Variants in STIM1 observed in about 807,000 individuals in gnomAD.
The protein encoded by STIM1 is stromal interaction molecule 1.
In STIM1, 25 loss-of-function variants were observed where a neutral mutation model predicts 74.7. The ratio of observed to expected loss-of-function variants is 0.33; its 90% CI spans 0.24 to 0.47. The LOEUF is 0.47. STIM1 is among the 20% of genes least tolerant of loss of function. The pLI is 1.00. For missense variants in STIM1, 728 were observed against 920.8 expected (o/e 0.79, Z 2.71); for synonymous variants, 328 against 348.8 (o/e 0.94, Z 0.66).
intron 1 of STIM1, chr11:3,868,096 C>T (rs964940815): frequency 6.6e-6 from 1 of 152,142 alleles, no homozygotes; most frequent in Non-Finnish European, 1.5e-5. Flanking sequence ...AGGTGTAACA[C>T]ACACACACAG....
At chr11:3,967,956 G>A (rs1707586349) in intron 2 of STIM1, among the ~76,000 whole-genome samples, 1 of 152,194 alleles carries the variant, frequency 6.6e-6, no homozygotes, top group African/African-American at 2.4e-5. Flanking sequence ...TTGTTTGGGA[G>A]GGAGAGAGAT....
At chr11:3,916,371 T>C (rs146853847) in intron 1 of STIM1, among the ~76,000 whole-genome samples, 1 of 151,812 alleles carries the variant, frequency 6.6e-6, no homozygotes, top group Non-Finnish European at 1.5e-5. Context: ...ACTGCCAACC[T>C]CTGCCACCTG....
At chr11:3,981,924 A>G (rs536878593) in intron 2 of STIM1, among the ~76,000 whole-genome samples, 1 of 152,374 alleles carries the variant, frequency 6.6e-6, no homozygotes, top group East Asian at 1.9e-4. Flanking sequence ...AGCAAGAAAG[A>G]TAGTTTCAGG....
intron 1 of STIM1, chr11:3,892,488 C>A: frequency 1.3e-6 from 2 of 1,544,406 alleles, no homozygotes; most frequent in Admixed American, 1.7e-5. Context: ...TTCATGCCTT[C>A]TTTCGCCTTG....
intron 1 of STIM1, among the ~76,000 whole-genome samples, chr11:3,877,749 C>A (rs959087275): frequency 1.3e-5 from 2 of 152,150 alleles, no homozygotes; most frequent in African/African-American, 4.8e-5. Flanking sequence ...GGAGTTGCAG[C>A]AGGTTTGCCT....
At position 3,941,618 on chromosome 11, in the gene STIM1, C is replaced by CAT. The variant is rs1422798798; in HGVS notation, c.140-25922_140-25921dup. Among the ~76,000 whole-genome samples the CAT allele has an allele frequency of 2.0e-3, 176 of 90,056 alleles. 3 individuals carry two copies. The highest frequency in any genetic ancestry group is 4.1e-3 in the Admixed American group (35 of 8,522). 59.1% of individuals were successfully genotyped at this position (90,056 alleles called of 152,430 possible). On this transcript the variant is annotated intron_variant, in intron 1 of 12. Coordinates refer to ENST00000526596, the MANE Select transcript of STIM1 (RefSeq NM_001382567.1). The stretch of plus-strand genomic sequence containing the variant: ...GTGTGTGTGTGTGTGTGTGTGTATA[C>CAT]ATATATATATATAGAGAGATAGTGT...
At chr11:4,066,943 A>T (rs935054071) in intron 5 of STIM1, among the ~76,000 whole-genome samples, 6 of 152,210 alleles carry the variant, frequency 3.9e-5, no homozygotes, top group Admixed American at 6.5e-5. Context: ...AATGATTCAT[A>T]GACTCACTTA....
At position 4,091,705 on chromosome 11, in the gene STIM1, G is replaced by A; in HGVS notation, c.2058G>A (p.Glu686=). ...TGGCTGGCAAGAAGGCTGTGGCTGA[G>A]GAGGATAATGGCTCTATTGGCGAGG... ...PHLAGKKAVA[E]EDNGSIGEET... is the part of the protein sequence containing the mutation. The change falls in exon 13 of 13, where the codon GAG becomes GAA. Residue 686 remains glutamate (E), a synonymous_variant. Coordinates refer to ENST00000526596, the MANE Select transcript of STIM1 (RefSeq NM_001382567.1). 1 of 1,614,124 alleles carries A rather than the reference G, an allele frequency of 6.2e-7. No individual in the cohort carries two copies. Among genetic ancestry groups the A allele is most frequent in the East Asian group, 2.2e-5 (1 of 44,886 alleles).
chr11:4,026,037 A>G lies in STIM1; in HGVS notation c.385+2050A>G, dbSNP rs77006356. Among the ~76,000 whole-genome samples, 724 of 152,318 alleles carry G rather than the reference A, an allele frequency of 4.8e-3. 3 individuals are homozygous for G. Among genetic ancestry groups the G allele is most frequent in the Non-Finnish European group, 8.0e-3 (546 of 68,020 alleles). ...CCTCTTCCTCCCAATAATTTGCTTC[A>G]TTATTCAGAAAAAGGCCCCTAATCT... On this transcript the variant is annotated intron_variant, in intron 3 of 12. Transcript: ENST00000526596.
chr11:3,921,500 A>G (rs2092717128), intron 1 of STIM1, among the ~76,000 whole-genome samples: 1 of 152,224 alleles, frequency 6.6e-6, no homozygotes, highest in Admixed American at 6.5e-5. Context: ...CGTTGACAAC[A>G]TCATGCTAAC....
intron 2 of STIM1, among the ~76,000 whole-genome samples, chr11:4,003,018 C>T (rs1448966267): frequency 6.0e-4 from 90 of 150,740 alleles, no homozygotes; most frequent in African/African-American, 2.2e-3. Flanking sequence ...GACACATACA[C>T]TCTCCCAAGA....
chr11:4,033,009 T>G (rs2094064763), intron 3 of STIM1, among the ~76,000 whole-genome samples: 1 of 152,312 alleles, frequency 6.6e-6, no homozygotes, highest in South Asian at 2.1e-4. Context: ...TTTAAGTCTT[T>G]AATCCATCTT....
chr11:3,924,557 A>G (rs2092764721), intron 1 of STIM1, among the ~76,000 whole-genome samples: 1 of 152,092 alleles, frequency 6.6e-6, no homozygotes, highest in Non-Finnish European at 1.5e-5. Flanking sequence ...TTGATGCAAT[A>G]GTCAATAGTA....
chr11:4,043,132 G>GT (rs577576415), intron 3 of STIM1, among the ~76,000 whole-genome samples: 266 of 152,220 alleles, frequency 1.7e-3, no homozygotes, highest in Middle Eastern at 0.01. Context: ...CAAATTCAGT[G>GT]TTTTTTTGTA....
chr11:3,926,975 A>T (rs1371260692), intron 1 of STIM1, among the ~76,000 whole-genome samples: 1 of 152,158 alleles, frequency 6.6e-6, no homozygotes, highest in Non-Finnish European at 1.5e-5. Context: ...TCATTTAACC[A>T]CTTTGTGTCT....
chr11:4,013,575 G>A (rs922838557), intron 2 of STIM1, among the ~76,000 whole-genome samples: 36 of 149,860 alleles, frequency 2.4e-4, no homozygotes, highest in Non-Finnish European at 4.1e-4. Flanking sequence ...ATGGTAGTTT[G>A]TATTCCTGTG....
chr11:3,997,967 A>G (rs915778318), intron 2 of STIM1, among the ~76,000 whole-genome samples: 2 of 152,204 alleles, frequency 1.3e-5, no homozygotes, highest in African/African-American at 4.8e-5. Flanking sequence ...TTATATAGCA[A>G]GCACTTAGAA....
chr11:4,072,768 G>A (rs1161269514), intron 6 of STIM1, among the ~76,000 whole-genome samples: 6 of 152,204 alleles, frequency 3.9e-5, no homozygotes, highest in African/African-American at 1.4e-4. Flanking sequence ...CCTTAATGGT[G>A]TAACTTTATA....
chr11:3,893,385 A>T (rs1304290486), intron 1 of STIM1, among the ~76,000 whole-genome samples: 1 of 152,180 alleles, frequency 6.6e-6, no homozygotes, highest in Non-Finnish European at 1.5e-5. Flanking sequence ...AGTGTCTTTG[A>T]TTTTGGTTTC....
Sources: gnomAD v4.1 joint callset for allele counts (sites outside exome capture counted in the v4.1 genomes callset) on GRCh38, gnomAD v4.1.1 for gene constraint, MANE v1.5 for transcripts, NCBI Gene and HGNC (gene_info 2026-07-23, HGNC 2026-07-21) for gene names.